The following NTM variants were observed in gnomAD, a reference collection of about 807,000 sequenced individuals.
NTM encodes the protein IgLON family member 2.
In NTM, 13 loss-of-function variants were observed where a neutral mutation model predicts 42.1. That is an observed-to-expected ratio of 0.31 (90% confidence interval 0.20 to 0.49). The LOEUF is 0.49. NTM is among the 20% of genes least tolerant of loss of function. The pLI, the probability that NTM is intolerant of heterozygous loss-of-function variation, is 0.99. For synonymous variants in NTM, 187 were observed against 179.2 expected (o/e 1.04, Z -0.35); for missense variants, 373 against 452.8 (o/e 0.82, Z 1.60).
At chr11:131,878,594 A>AATATAT (rs201069325) in intron 1 of NTM, among the ~76,000 whole-genome samples, 61 of 19,278 alleles carry the variant, frequency 3.2e-3, no homozygotes, top group Non-Finnish European at 4.7e-3. Context: ...AAAAAAAAAA[A>AATATAT]ATATATATAT....
intron 4 of NTM, among the ~76,000 whole-genome samples, chr11:132,280,532 C>A (rs182086377): frequency 7.7e-6 from 1 of 130,316 alleles, no homozygotes; most frequent in Non-Finnish European, 1.5e-5. Context: ...GGCACCCAGG[C>A]TGGAGTGCAG....
At chr11:132,097,561 T>C (rs2061159769) in intron 2 of NTM, among the ~76,000 whole-genome samples, 1 of 152,246 alleles carries the variant, frequency 6.6e-6, no homozygotes. Flanking sequence ...TCTTTGGTGA[T>C]ACCTCAGTTG....
At chr11:132,040,811 A>G (rs2077079703) in intron 2 of NTM, among the ~76,000 whole-genome samples, 1 of 152,306 alleles carries the variant, frequency 6.6e-6, no homozygotes, top group East Asian at 1.9e-4. Flanking sequence ...GAGGATTTTT[A>G]TCTGTGCATG....
At chr11:131,528,653 C>T (rs1212074011) in intron 1 of NTM, among the ~76,000 whole-genome samples, 2 of 152,106 alleles carry the variant, frequency 1.3e-5, no homozygotes, top group Non-Finnish European at 2.9e-5. Flanking sequence ...GTAATCTCCT[C>T]GAAATAATTG....
chr11:131,798,615 T>C (rs2091833890), intron 1 of NTM, among the ~76,000 whole-genome samples: 1 of 152,250 alleles, frequency 6.6e-6, no homozygotes. Context: ...CTTTCTTTAT[T>C]CCTTCACCTC....
rs190333047 is a variant in NTM, at chr11:132,073,593, G to A, written c.168-72689G>A. 1.3e-3 allele frequency among the ~76,000 whole-genome samples: 202 copies of A among 152,262 alleles called. 3 individuals are homozygous for A. In the South Asian group the frequency reaches 0.014, roughly 11 times the overall value. On this transcript the variant is annotated intron_variant, in intron 2 of 8. Coordinates refer to ENST00000683400, the MANE Select transcript of NTM (RefSeq NM_001352005.2). Reference sequence around the variant, plus strand: ...GAGGTTCAGAGTGTCTTGACCTGGAGCAGTTTTTAAAACCTCAGGCCAAAA... The same window carrying A: ...GAGGTTCAGAGTGTCTTGACCTGGAACAGTTTTTAAAACCTCAGGCCAAAA...
intron 1 of NTM, among the ~76,000 whole-genome samples, chr11:131,391,461 T>C (rs1943976267): frequency 6.6e-6 from 1 of 152,180 alleles, no homozygotes; most frequent in African/African-American, 2.4e-5. Context: ...CTACCAGCGA[T>C]CATTAGCTCC....
At chr11:131,596,472 G>T (rs1247600350) in intron 1 of NTM, among the ~76,000 whole-genome samples, 2 of 152,208 alleles carry the variant, frequency 1.3e-5, no homozygotes, top group Non-Finnish European at 2.9e-5. Context: ...GCGGAATCTG[G>T]CCCAAGGCCC....
intron 1 of NTM, among the ~76,000 whole-genome samples, chr11:131,466,180 G>C (rs992564): frequency 5.3e-5 from 8 of 152,116 alleles, no homozygotes; most frequent in African/African-American, 1.9e-4. Flanking sequence ...GAGCCCACAA[G>C]ATAAATCAAG....
rs149296554 is a variant in NTM, at chr11:132,296,743, C to T, written c.527-10946C>T. Among the ~76,000 whole-genome samples the T allele has an allele frequency of 5.6e-3, 857 of 152,240 alleles. 10 individuals are homozygous for T. The highest frequency in any genetic ancestry group is 0.019 in the African/African-American group (808 of 41,556). ...TAGTGTGCCCAGTGAAAGAGTAAAT[C>T]GGCTATTCTTTTCCTTCCCATACAC... On this transcript the variant is annotated intron_variant, in intron 4 of 8. Coordinates refer to ENST00000683400, the MANE Select transcript of NTM (RefSeq NM_001352005.2).
intron 1 of NTM, among the ~76,000 whole-genome samples, chr11:131,515,727 T>C (rs2048815402): frequency 6.6e-6 from 1 of 152,200 alleles, no homozygotes; most frequent in Non-Finnish European, 1.5e-5. Flanking sequence ...GATCGGAGAT[T>C]TTCTCTTGCT....
At chr11:132,227,779 T>C (rs2086626667) in intron 4 of NTM, among the ~76,000 whole-genome samples, 2 of 152,312 alleles carry the variant, frequency 1.3e-5, no homozygotes, top group South Asian at 4.1e-4. Context: ...CTAGGTGCTT[T>C]GTCTGGAAGT....
intron 1 of NTM, among the ~76,000 whole-genome samples, chr11:131,603,986 G>T (rs1485114654): frequency 1.3e-5 from 2 of 152,068 alleles, no homozygotes; most frequent in African/African-American, 2.4e-5. Context: ...AAATAATGCT[G>T]CTTTGAACAT....
At chr11:132,318,160 A>C (rs887636017) in intron 7 of NTM, among the ~76,000 whole-genome samples, 11 of 152,208 alleles carry the variant, frequency 7.2e-5, no homozygotes, top group African/African-American at 2.2e-4. Context: ...ATGGCACTGC[A>C]TGAGTGGTTG....
At chr11:131,875,251 T>C (rs1337869359) in intron 1 of NTM, among the ~76,000 whole-genome samples, 2 of 151,304 alleles carry the variant, frequency 1.3e-5, no homozygotes, top group Admixed American at 6.6e-5. Flanking sequence ...CTGGAAACAT[T>C]TTACGTAGAG....
chr11:131,653,340 T>G (rs962735989), intron 1 of NTM, among the ~76,000 whole-genome samples: 18 of 152,142 alleles, frequency 1.2e-4, no homozygotes, highest in African/African-American at 4.3e-4. Context: ...ACAGTCTTCC[T>G]TGCTTCCAGG....
intron 2 of NTM, among the ~76,000 whole-genome samples, chr11:132,022,692 A>G (rs988475750): frequency 3.3e-5 from 5 of 152,250 alleles, no homozygotes; most frequent in Non-Finnish European, 7.3e-5. Context: ...CTCAGGGGAA[A>G]CATTCCACAG....
chr11:131,611,314 G>A (rs2061446118), intron 1 of NTM, among the ~76,000 whole-genome samples: 1 of 152,214 alleles, frequency 6.6e-6, no homozygotes, highest in Non-Finnish European at 1.5e-5. Context: ...GGAAGGTAGA[G>A]AAACTCAATT....
At chr11:132,000,167 C>T (rs904696714) in intron 2 of NTM, among the ~76,000 whole-genome samples, 3 of 152,198 alleles carry the variant, frequency 2.0e-5, no homozygotes, top group Non-Finnish European at 2.9e-5. Flanking sequence ...ACTGCACACA[C>T]TCCCAGACAG....
Sources: gnomAD v4.1 joint callset for allele counts (sites outside exome capture counted in the v4.1 genomes callset) on GRCh38, gnomAD v4.1.1 for gene constraint, MANE v1.5 for transcripts, NCBI Gene and HGNC (gene_info 2026-07-23, HGNC 2026-07-21) for gene names.